The following JAKMIP1 variants were observed in gnomAD, a reference collection of about 807,000 sequenced individuals.
The protein encoded by JAKMIP1 is janus kinase and microtubule interacting protein 1, also known as janus kinase and microtubule-interacting protein 1.
A neutral mutation model predicts 113.0 loss-of-function variants in JAKMIP1; 33 were observed. The observed-to-expected ratio is 0.29, with a 90% CI of 0.22 to 0.39. JAKMIP1 has a LOEUF of 0.39. Among genes scored for constraint, JAKMIP1 ranks in the 10% least tolerant of loss-of-function variants. The probability of loss-of-function intolerance (pLI) is 1.00; values close to 1 mark genes in which losing one functional copy is unlikely to be tolerated. For missense variants in JAKMIP1, 813 were observed against 1,080.5 expected, an observed-to-expected ratio of 0.75 and a Z score of 3.47; for synonymous variants, 480 against 459.9, an observed-to-expected ratio of 1.04 and a Z score of -0.56.
At chr4:6,078,183 C>T (rs1023990148) in intron 8 of JAKMIP1, among the ~76,000 whole-genome samples, 1 of 152,070 alleles carries the variant, frequency 6.6e-6, no homozygotes, top group African/African-American at 2.4e-5. Flanking sequence ...GGCGTGGTGG[C>T]ATGTGCCTGT....
In JAKMIP1 at chr4:6,042,228, C is replaced by G; in HGVS notation, c.2029-1G>C. On this transcript the variant is annotated splice_acceptor_variant, in intron 16 of 20. Coordinates refer to ENST00000409021, the MANE Select transcript of JAKMIP1 (RefSeq NM_001099433.2). LOFTEE classifies it high-confidence loss of function. The surrounding 1 kb of genome is among the most constrained non-coding windows in gnomAD (Gnocchi z 5.2). ...CGGTCCCCTCTATTTGCTTCAGCCA[C>G]TAGAAAACAGCAGGGACAGGACGGG... 1 of 1,613,506 alleles carries G rather than the reference C, an allele frequency of 6.2e-7. No homozygotes were observed. The highest frequency in any genetic ancestry group is 8.5e-7 in the Non-Finnish European group (1 of 1,179,556).
chr4:6,063,159 C>G (rs567654056), intron 9 of JAKMIP1, among the ~76,000 whole-genome samples: 34 of 152,108 alleles, frequency 2.2e-4, no homozygotes, highest in South Asian at 1.9e-3. Context: ...AAAAAAATGG[C>G]CACATAAGTG....
chr4:6,066,247 G>A (rs1484726140), intron 8 of JAKMIP1, among the ~76,000 whole-genome samples: 2 of 152,052 alleles, frequency 1.3e-5, no homozygotes, highest in African/African-American at 4.8e-5. Context: ...TGAGAAAAAT[G>A]TGACTGGCAC....
intron 10 of JAKMIP1, among the ~76,000 whole-genome samples, chr4:6,060,917 A>G (rs1324575453): frequency 6.6e-6 from 1 of 152,210 alleles, no homozygotes; most frequent in Admixed American, 6.5e-5. Context: ...ACGCTGGCAC[A>G]ATTGCATAGC....
At chr4:6,103,328 G>A (rs1713395706) in intron 3 of JAKMIP1, among the ~76,000 whole-genome samples, 1 of 152,148 alleles carries the variant, frequency 6.6e-6, no homozygotes, top group Admixed American at 6.5e-5. Flanking sequence ...TTTAGAATAT[G>A]AAGCCAATCT....
intron 1 of JAKMIP1, among the ~76,000 whole-genome samples, chr4:6,191,493 A>G (rs937590736): frequency 6.6e-6 from 1 of 152,260 alleles, no homozygotes; most frequent in African/African-American, 2.4e-5. Context: ...AGATCCTCGC[A>G]GCGCACAAGG....
At position 6,197,492 on chromosome 4, in the gene JAKMIP1, C is replaced by T. The variant is rs1727976482; in HGVS notation, c.-148+2761G>A. Reference sequence around the variant, plus strand: ...AACCTAGCCAAAGAGATGCCACTGCCCCCTTTTATACAGGAAATGGAGGCT... The same window carrying T: ...AACCTAGCCAAAGAGATGCCACTGCTCCCTTTTATACAGGAAATGGAGGCT... On this transcript the variant is annotated intron_variant, in intron 1 of 20. Transcript: ENST00000409021. This position sits in a 1 kb window ranked among gnomAD's most constrained non-coding sequence, Gnocchi z 6.5. Among the ~76,000 whole-genome samples the T allele has an allele frequency of 6.6e-6, 1 of 152,210 alleles. No individual in the cohort carries two copies. Among genetic ancestry groups the T allele is most frequent in the Non-Finnish European group, 1.5e-5 (1 of 68,030 alleles).
intron 1 of JAKMIP1, among the ~76,000 whole-genome samples, chr4:6,152,789 A>AT (rs1721736207): frequency 7.4e-6 from 1 of 135,294 alleles, no homozygotes. Context: ...TAAAAATACA[A>AT]ATATATATAT....
rs750447715 is a variant in JAKMIP1, at chr4:6,081,677, C to T, written c.1033G>A (p.Asp345Asn). The change falls in exon 6 of 21, where the codon GAT (aspartate) becomes AAT (asparagine). Residue 345 changes from aspartate (D) to asparagine (N), a missense_variant. Physicochemically the swap from Asp to Asn is conservative, Grantham distance 23 (BLOSUM62 1). Transcript: ENST00000409021. This position sits in a 1 kb window ranked among gnomAD's most constrained non-coding sequence, Gnocchi z 4.6. ...KNKRMNKKNE[D>N]LLQSIQRMEE... Reference sequence around the variant, plus strand: ...ATCCTCTGGATACTCTGCAACAGATCCTCATTCTTCTTGTTCATCCGCTTG... The same window carrying T: ...ATCCTCTGGATACTCTGCAACAGATTCTCATTCTTCTTGTTCATCCGCTTG... 1.6e-5 allele frequency: 26 copies of T among 1,614,068 alleles called. No individual in the cohort carries two copies. The highest frequency in any genetic ancestry group is 2.2e-5 in the Non-Finnish European group (26 of 1,180,040).
chr4:6,110,922 GTGACCTGGCCTGT>G (rs907834026), intron 2 of JAKMIP1, among the ~76,000 whole-genome samples: 1 of 151,126 alleles, frequency 6.6e-6, no homozygotes, highest in Non-Finnish European at 1.5e-5. Flanking sequence ...AGCCCCGGAG[GTGACCTGGCCTGT>G]TGACCTGGCT....
intron 5 of JAKMIP1, among the ~76,000 whole-genome samples, 157 bp downstream of exon 5, chr4:6,084,689 G>A (rs1317955367): frequency 6.6e-6 from 1 of 152,122 alleles, no homozygotes; most frequent in Non-Finnish European, 1.5e-5. Context: ...TTTCTTCAAT[G>A]AGCATGTGTT....
rs1027025875 is a variant in JAKMIP1, at chr4:6,193,952, A to G, written c.-148+6301T>C. Among the ~76,000 whole-genome samples the G allele has an allele frequency of 6.6e-6, 1 of 152,002 alleles. No homozygotes were observed. Among genetic ancestry groups the G allele is most frequent in the Non-Finnish European group, 1.5e-5 (1 of 68,018 alleles). ...TGTTGTATACGCACCATGGAATACT[A>G]CTCCGCCATGAAGAAGAAGGAAGCA... is the stretch of plus-strand genomic sequence containing the variant. On this transcript the variant is annotated intron_variant, in intron 1 of 20. Transcript: ENST00000409021. The surrounding 1 kb of genome is among the most constrained non-coding windows in gnomAD (Gnocchi z 6.4).
At chr4:6,103,005 A>AT (rs535234148) in intron 3 of JAKMIP1, among the ~76,000 whole-genome samples, 44 of 151,904 alleles carry the variant, frequency 2.9e-4, no homozygotes, top group East Asian at 1.9e-3. Flanking sequence ...TGAAACTTTT[A>AT]TTTATTTTAT....
At position 6,080,904 on chromosome 4, in the gene JAKMIP1, G is replaced by A. The variant is rs1306144268; in HGVS notation, c.1102-592C>T. Among the ~76,000 whole-genome samples, 1 of 151,758 alleles carries A rather than the reference G, an allele frequency of 6.6e-6. No homozygotes were observed. Among genetic ancestry groups the A allele is most frequent in the Non-Finnish European group, 1.5e-5 (1 of 67,988 alleles). On this transcript the variant is annotated intron_variant, in intron 6 of 20. Transcript: ENST00000409021. The surrounding 1 kb of genome is among the most constrained non-coding windows in gnomAD (Gnocchi z 6.0). ...AGGAAGGGATGCGCAGGGCCTGGGG[G>A]TGGAAGACGACATTTGAAATGAGCC...
At chr4:6,171,175 T>TACC (rs1189710360) in intron 1 of JAKMIP1, among the ~76,000 whole-genome samples, 1 of 107,410 alleles carries the variant, frequency 9.3e-6, no homozygotes, top group Non-Finnish European at 2.0e-5. Flanking sequence ...CCATCACCAT[T>TACC]ACCACCACCA....
rs774299601 is a variant in JAKMIP1 at position 6,089,289 on chromosome 4, C to T, written c.625-3660G>A. The stretch of plus-strand genomic sequence containing the variant: ...CTTCAGTTGGGGGAGCCAACAGACA[C>T]CCATGGCCTAAGCTGGTTTGATGGA... On this transcript the variant is annotated intron_variant, in intron 3 of 20. Transcript: ENST00000409021. The surrounding 1 kb of genome is among the most constrained non-coding windows in gnomAD (Gnocchi z 5.3). Among the ~76,000 whole-genome samples the T allele has an allele frequency of 4.6e-5, 7 of 152,240 alleles. No homozygotes were observed. Among genetic ancestry groups the T allele is most frequent in the African/African-American group, 1.4e-4 (6 of 41,454 alleles).
chr4:6,036,623 C>T (rs1306467705), intron 18 of JAKMIP1, among the ~76,000 whole-genome samples: 1 of 152,176 alleles, frequency 6.6e-6, no homozygotes, highest in Non-Finnish European at 1.5e-5. Context: ...CAAAAGCAAG[C>T]CACCCTTTTT....
At chr4:6,056,870 TA>T in intron 11 of JAKMIP1, 111 bp from the exon 12 acceptor site, 2 of 762,480 alleles carry the variant, frequency 2.6e-6, no homozygotes, top group East Asian at 2.6e-5. Context: ...GGAAAGGTCA[TA>T]AAAAATGACA....
chr4:6,059,667 T>C lies in JAKMIP1; in HGVS notation c.1644+757A>G, dbSNP rs1716986926. On this transcript the variant is annotated intron_variant, in intron 11 of 20. Coordinates refer to ENST00000409021, the MANE Select transcript of JAKMIP1 (RefSeq NM_001099433.2). This position sits in a 1 kb window ranked among gnomAD's most constrained non-coding sequence, Gnocchi z 4.8. ...AGATGGGGCAGTTCCAAGATGGTGGTGCCCCCCTCCCTGAATCCCTGAGAG... is the reference window on the plus strand; with the variant it reads ...AGATGGGGCAGTTCCAAGATGGTGGCGCCCCCCTCCCTGAATCCCTGAGAG... 6.6e-6 allele frequency among the ~76,000 whole-genome samples: 1 copy of C among 152,022 alleles called. No individual in the cohort carries two copies. Among genetic ancestry groups the C allele is most frequent in the Non-Finnish European group, 1.5e-5 (1 of 68,026 alleles).
Sources: allele counts gnomAD v4.1 joint callset (sites outside exome capture counted in the v4.1 genomes callset), GRCh38; gene constraint gnomAD v4.1.1; non-coding constraint Gnocchi (gnomAD v3.1); transcripts MANE v1.5; gene names NCBI Gene and HGNC (gene_info 2026-07-23, HGNC 2026-07-21).